Variants in ATP6V1A observed in about 807,000 individuals in gnomAD.
The protein encoded by ATP6V1A is ATPase H+ transporting V1 subunit A.
ATP6V1A carries 18 observed loss-of-function variants against 70.1 expected under a neutral mutation model. That is an observed-to-expected ratio of 0.26 (90% CI 0.18 to 0.38). ATP6V1A has a LOEUF of 0.38. Among genes scored for constraint, ATP6V1A ranks in the 10% least tolerant of loss-of-function variants. ATP6V1A has a pLI of 1.00. For synonymous variants in ATP6V1A, 232 were observed against 253.8 expected (o/e 0.91, Z 0.82); for missense variants, 424 against 772.4 (o/e 0.55, Z 5.35).
chr3:113,788,561 G>A (rs1307439355), intron 6 of ATP6V1A, 152 bp from the exon 7 acceptor site: 4 of 576,462 alleles, frequency 6.9e-6, no homozygotes, highest in Non-Finnish European at 8.8e-6. Context: ...GGCCAGTCTG[G>A]TCTCGAACTC....
rs1394292766 is a variant in ATP6V1A at position 113,781,167 on chromosome 3, A to G, written c.200A>G (p.Tyr67Cys). 1.2e-6 allele frequency: 2 copies of G among 1,607,212 alleles called. No individual in the cohort carries two copies. Among genetic ancestry groups the G allele is most frequent in the African/African-American group, 2.7e-5 (2 of 74,446 alleles). ...LEGDMATIQVYEETSGVSVGD... is the reference protein window; with the variant it reads ...LEGDMATIQVCEETSGVSVGD... Reference sequence around the variant, plus strand: ...GGTGACATGGCTACTATTCAGGTGTATGAAGAAACTTGTATCCTTTTTGGC... The same window carrying G: ...GGTGACATGGCTACTATTCAGGTGTGTGAAGAAACTTGTATCCTTTTTGGC... The change falls in exon 3 of 15, where the codon TAT becomes TGT. Residue 67 changes from tyrosine (Y) to cysteine (C), a missense_variant. Physicochemically the swap from Tyr to Cys is radical, Grantham distance 194. Transcript: ENST00000273398.
intron 12 of ATP6V1A, among the ~76,000 whole-genome samples, chr3:113,799,697 A>C (rs1034215595): frequency 4.6e-5 from 7 of 152,214 alleles, no homozygotes; most frequent in Admixed American, 2.0e-4. Flanking sequence ...ATAAGAGTTC[A>C]CTGGGGTGTT....
chr3:113,770,678 T>A lies in ATP6V1A; in HGVS notation c.-13-8063T>A, dbSNP rs1708828712. On this transcript the variant is annotated intron_variant, in intron 1 of 14. Transcript: ENST00000273398. ...TGGGTAGCAGACTGAGACTCTGTCT[T>A]AAAAAAAAAGAAAATCAATAGCTGT... Among the ~76,000 whole-genome samples, 2 of 147,498 alleles carry A rather than the reference T, an allele frequency of 1.4e-5. 1 individual carries two copies. The highest frequency in any genetic ancestry group is 4.3e-4 in the South Asian group (2 of 4,614).
At chr3:113,806,191 A>G (rs1025588458) in intron 14 of ATP6V1A, among the ~76,000 whole-genome samples, 1 of 152,060 alleles carries the variant, frequency 6.6e-6, no homozygotes, top group African/African-American at 2.4e-5. Flanking sequence ...AGGCTGCTGC[A>G]GTGTGCCATG....
chr3:113,780,958 A>G, intron 2 of ATP6V1A, 92 bp from the exon 3 acceptor site: 1 of 1,470,994 alleles, frequency 6.8e-7, no homozygotes. Flanking sequence ...AGAGAGGCAC[A>G]ATACTGGGTT....
intron 1 of ATP6V1A, among the ~76,000 whole-genome samples, chr3:113,749,356 G>T (rs1457565575): frequency 6.6e-6 from 1 of 151,984 alleles, no homozygotes; most frequent in Non-Finnish European, 1.5e-5. Flanking sequence ...CAGTTTATGA[G>T]TGTTACATGT....
chr3:113,803,038 TA>T (rs1709232730), intron 12 of ATP6V1A, among the ~76,000 whole-genome samples: 1 of 152,006 alleles, frequency 6.6e-6, no homozygotes, highest in Admixed American at 6.5e-5. Flanking sequence ...GATGAATCCA[TA>T]AACAAAATGT....
intron 5 of ATP6V1A, 120 bp downstream of exon 5, chr3:113,784,953 C>T: frequency 9.1e-7 from 1 of 1,102,630 alleles, no homozygotes; most frequent in Non-Finnish European, 1.2e-6. Flanking sequence ...TGAGTAACTC[C>T]TATAATTTTT....
chr3:113,798,453 T>C lies in ATP6V1A; in HGVS notation c.1494+7T>C. On this transcript the variant is annotated splice_region_variant and intron_variant, in intron 12 of 14. Coordinates refer to ENST00000273398, the MANE Select transcript of ATP6V1A (RefSeq NM_001690.4). Reference sequence around the variant, plus strand: ...TGTACAGCTTGTGGGAAAGGTGAGTTGTTAAATTCCATGGAAGATAGATCT... The same window carrying C: ...TGTACAGCTTGTGGGAAAGGTGAGTCGTTAAATTCCATGGAAGATAGATCT... 6.2e-7 allele frequency: 1 copy of C among 1,613,488 alleles called. No homozygotes were observed. Among genetic ancestry groups the C allele is most frequent in the Non-Finnish European group, 8.5e-7 (1 of 1,179,698 alleles).
At chr3:113,780,931 C>A in intron 2 of ATP6V1A, 119 bp from the exon 3 acceptor site, 1 of 1,389,516 alleles carries the variant, frequency 7.2e-7, no homozygotes, top group Non-Finnish European at 9.6e-7. Flanking sequence ...GGTTTTTATC[C>A]TTCTTATGAA....
chr3:113,809,209 C>T (rs1410222715), intron 14 of ATP6V1A, 126 bp from the exon 15 acceptor site: 16 of 613,950 alleles, frequency 2.6e-5, no homozygotes, highest in African/African-American at 1.9e-4. Flanking sequence ...GAGCCAAGAT[C>T]GTGCCACTGC....
intron 1 of ATP6V1A, among the ~76,000 whole-genome samples, chr3:113,775,191 G>T (rs1450012866): frequency 6.6e-6 from 1 of 151,504 alleles, no homozygotes; most frequent in East Asian, 1.9e-4. Flanking sequence ...TAGTGTAACT[G>T]ATGACATTTT....
chr3:113,788,767 A>G lies in ATP6V1A; in HGVS notation c.771A>G (p.Thr257=). 1 of 1,613,270 alleles carries G rather than the reference A, an allele frequency of 6.2e-7. No homozygotes were observed. Among genetic ancestry groups the G allele is most frequent in the Non-Finnish European group, 8.5e-7 (1 of 1,179,238 alleles). The part of the protein sequence containing the change: ...AIPGAFGCGK[T]VISQSLSKYS... ...CTGGAGCCTTTGGCTGTGGAAAGAC[A>G]GTGATATCACAGTCTCTATCCAAGT... The change falls in exon 7 of 15, where the codon ACA becomes ACG. Residue 257 remains threonine (T), a synonymous_variant. Coordinates refer to ENST00000273398, the MANE Select transcript of ATP6V1A (RefSeq NM_001690.4).
At chr3:113,774,838 AAG>A (rs1708889861) in intron 1 of ATP6V1A, among the ~76,000 whole-genome samples, 1 of 152,046 alleles carries the variant, frequency 6.6e-6, no homozygotes, top group Non-Finnish European at 1.5e-5. Context: ...GAAAAAAAAA[AAG>A]CAGCATTCAG....
At chr3:113,759,504 A>G (rs1314835057) in intron 1 of ATP6V1A, among the ~76,000 whole-genome samples, 2 of 151,902 alleles carry the variant, frequency 1.3e-5, no homozygotes, top group African/African-American at 4.8e-5. Context: ...TCTGTTCATT[A>G]TAGAATTATA....
Position 113,809,586 on chromosome 3 carries a change from T to A in ATP6V1A, c.*159T>A. On this transcript the variant is annotated 3_prime_UTR_variant, in exon 15 of 15. Coordinates refer to ENST00000273398, the MANE Select transcript of ATP6V1A (RefSeq NM_001690.4). ...TGTTTCCCTGTTTTTTTGGTAGGTC[T>A]TATATAAAACAAACATTCCTTTGTT... 1 of 595,176 alleles carries A rather than the reference T, an allele frequency of 1.7e-6. No homozygotes were observed. The highest frequency in any genetic ancestry group is 2.9e-6 in the Non-Finnish European group (1 of 340,514). 36.9% of individuals were successfully genotyped at this position (595,176 alleles called of 1,614,324 possible).
chr3:113,808,235 C>A (rs1481872864), intron 14 of ATP6V1A, among the ~76,000 whole-genome samples: 1 of 150,576 alleles, frequency 6.6e-6, no homozygotes, highest in African/African-American at 2.4e-5. Flanking sequence ...AGTATGGAGT[C>A]CCAGAAGTGG....
At chr3:113,778,051 G>T (rs1306026558) in intron 1 of ATP6V1A, among the ~76,000 whole-genome samples, 1 of 152,132 alleles carries the variant, frequency 6.6e-6, no homozygotes, top group Non-Finnish European at 1.5e-5. Context: ...ATTCAGTTGT[G>T]ATAAAACCAT....
intron 1 of ATP6V1A, among the ~76,000 whole-genome samples, chr3:113,755,771 C>T (rs968037352): frequency 6.6e-5 from 10 of 152,100 alleles, no homozygotes; most frequent in Non-Finnish European, 1.3e-4. Context: ...TTTATATATT[C>T]ATACAAGTGT....
Sources: gnomAD v4.1 joint callset for allele counts (sites outside exome capture counted in the v4.1 genomes callset) on GRCh38, gnomAD v4.1.1 for gene constraint, MANE v1.5 for transcripts, NCBI Gene and HGNC (gene_info 2026-07-23, HGNC 2026-07-21) for gene names.